ADGRG1: variants seen among roughly 807,000 people sequenced by gnomAD.
ADGRG1 encodes the protein 7-transmembrane protein with no EGF-like N-terminal domains-1.
In ADGRG1, 53 loss-of-function variants were observed where a neutral mutation model predicts 73.5. That is an observed-to-expected ratio of 0.72 (90% CI 0.58 to 0.91). ADGRG1 has a LOEUF of 0.91. Ranked by LOEUF, ADGRG1 falls within the 40% of genes least tolerant of loss-of-function variation. The probability of loss-of-function intolerance (pLI) is 0.00; values close to 1 mark genes in which losing one functional copy is unlikely to be tolerated. For missense variants in ADGRG1, 795 were observed against 871.8 expected, an observed-to-expected ratio of 0.91 and a Z score of 1.11; for synonymous variants, 394 against 374.4, an observed-to-expected ratio of 1.05 and a Z score of -0.60.
intron 1 of ADGRG1, chr16:57,641,108 G>A (rs764822922): frequency 2.1e-6 from 2 of 936,986 alleles, no homozygotes; most frequent in Non-Finnish European, 2.5e-6. Flanking sequence ...GCCTGCGGGA[G>A]CCTGGAGGGC....
intron 1 of ADGRG1, among the ~76,000 whole-genome samples, chr16:57,636,973 G>T (rs1051322228): frequency 1.3e-5 from 2 of 152,232 alleles, no homozygotes; most frequent in African/African-American, 4.8e-5. Context: ...GGACATTTGA[G>T]TTGAGGCCTG....
chr16:57,645,401 TCTC>T (rs2042361580), intron 1 of ADGRG1: 4 of 832,862 alleles, frequency 4.8e-6, no homozygotes, highest in South Asian at 5.7e-5. Flanking sequence ...TGCCTGCCCT[TCTC>T]CTGATGTCTT....
chr16:57,655,569 A>G, intron 6 of ADGRG1, 39 bp downstream of exon 6: 1 of 1,611,118 alleles, frequency 6.2e-7, no homozygotes, highest in Non-Finnish European at 8.5e-7. Flanking sequence ...AGGAGAAAGC[A>G]GTTTTTTTCT....
intron 1 of ADGRG1, chr16:57,647,023 A>C (rs1258848659): frequency 3.3e-5 from 30 of 907,364 alleles, no homozygotes; most frequent in Non-Finnish European, 3.8e-5. Flanking sequence ...GTCAGGTCCC[A>C]GGGGTCTGTG....
chr16:57,634,409 C>A (rs555438129), intron 1 of ADGRG1: 1 of 985,324 alleles, frequency 1.0e-6, no homozygotes, highest in Non-Finnish European at 1.2e-6. Flanking sequence ...CATCTGGGCA[C>A]GGGCCAAACA....
chr16:57,651,513 G>A lies in ADGRG1; in HGVS notation c.378G>A (p.Glu126=), dbSNP rs2044084899. ...ASSLLCFQHQ[E]ESLAQGPPLL... is the part of the protein sequence containing the mutation. ...GCCTCCTCTGCTTCCAGCACCAGGA[G>A]GAGAGCCTGGCTCAGGGCCCCCCGC... Residue 126 remains glutamate, a synonymous_variant, in exon 3 of 14, where the codon GAG becomes GAA. Transcript: ENST00000562631. 1 of 1,614,100 alleles carries A rather than the reference G, an allele frequency of 6.2e-7. No homozygotes were observed. Among genetic ancestry groups the A allele is most frequent in the Non-Finnish European group, 8.5e-7 (1 of 1,180,044 alleles).
intron 1 of ADGRG1, chr16:57,646,033 T>C (rs1267743881): frequency 6.6e-6 from 1 of 152,080 alleles, no homozygotes; most frequent in Non-Finnish European, 1.5e-5. Flanking sequence ...GGGCGGGCAG[T>C]GGTCACTGTG....
At chr16:57,661,508 A>G in intron 12 of ADGRG1, 189 bp from the exon 13 acceptor site, 1 of 982,000 alleles carries the variant, frequency 1.0e-6, no homozygotes, top group Non-Finnish European at 1.2e-6. Flanking sequence ...TTACTTACTT[A>G]ACATTTTCCT....
chr16:57,639,703 C>G, intron 1 of ADGRG1: 1 of 970,530 alleles, frequency 1.0e-6, no homozygotes, highest in Non-Finnish European at 1.2e-6. Context: ...CCCCTCCTCC[C>G]CGTCCCTTTC....
Position 57,661,698 on chromosome 16 carries a change from T to G in ADGRG1, c.1666T>G (p.Cys556Gly). ...GAGCCCTCCTGCCTTTGCCCGCAGGTGCTGGATCCGGGACTCCCTGGTCAG... is the reference window on the plus strand; with the variant it reads ...GAGCCCTCCTGCCTTTGCCCGCAGGGGCTGGATCCGGGACTCCCTGGTCAG... ...TPEGVIYPSM[C>G]WIRDSLVSYI... The change falls in exon 13 of 14, where the codon TGC (cysteine) becomes GGC (glycine). Residue 556 changes from cysteine (C) to glycine (G), a missense_variant and splice_region_variant. Coordinates refer to ENST00000562631, the MANE Select transcript of ADGRG1 (RefSeq NM_201525.4). 6.2e-7 allele frequency: 1 copy of G among 1,613,176 alleles called. No homozygotes were observed. The highest frequency in any genetic ancestry group is 8.5e-7 in the Non-Finnish European group (1 of 1,179,600).
At chr16:57,644,366 GCA>G (rs1484678782) in intron 1 of ADGRG1, 7 of 199,776 alleles carry the variant, frequency 3.5e-5, no homozygotes, top group Non-Finnish European at 6.0e-5. Flanking sequence ...TCATGCACGG[GCA>G]CACAGCCATG....
chr16:57,655,342 TG>T (rs1270613497), intron 5 of ADGRG1, 56 bp from the exon 6 acceptor site: 1,098 of 1,600,038 alleles, frequency 6.9e-4, no homozygotes, highest in Non-Finnish European at 8.8e-4. Context: ...TGTGCTAGGG[TG>T]GGGGGCACGG....
chr16:57,653,238 G>C lies in ADGRG1; in HGVS notation c.523G>C (p.Asp175His), dbSNP rs769565872. ...CACGGCCGCTCACAATGCCTCGGTGGACATGTGCGAGCTCAAAAGGGACCT... is the reference window on the plus strand; with the variant it reads ...CACGGCCGCTCACAATGCCTCGGTGCACATGTGCGAGCTCAAAAGGGACCT... ...PHTAAHNASV[D>H]MCELKRDLQL... The change falls in exon 4 of 14, where the codon GAC becomes CAC. Residue 175 changes from aspartate to histidine, a missense_variant. Asp to His is a moderately conservative substitution (Grantham distance 81). Coordinates refer to ENST00000562631, the MANE Select transcript of ADGRG1 (RefSeq NM_201525.4). 5.6e-6 allele frequency: 9 copies of C among 1,612,262 alleles called. No homozygotes were observed. Among genetic ancestry groups the C allele is most frequent in the Middle Eastern group, 3.3e-4 (2 of 6,054 alleles).
At chr16:57,655,319 GT>G (rs1217975941) in intron 5 of ADGRG1, 79 bp from the exon 6 acceptor site, 3 of 809,298 alleles carry the variant, frequency 3.7e-6, no homozygotes, top group South Asian at 1.8e-5. Flanking sequence ...GAACGGATGG[GT>G]GTGTGTGTGT....
rs371342603 is a variant in ADGRG1, at chr16:57,654,091, C to A, written c.726C>A (p.Pro242=). The change falls in exon 5 of 14, where the codon CCC becomes CCA. Residue 242 remains proline, a synonymous_variant. Coordinates refer to ENST00000562631, the MANE Select transcript of ADGRG1 (RefSeq NM_201525.4). Reference sequence around the variant, plus strand: ...ACGCCACGGTGTGGAAGCTCCAGCCCACAGCCGGCCTCCAGGACCTGCACA... The same window carrying A: ...ACGCCACGGTGTGGAAGCTCCAGCCAACAGCCGGCCTCCAGGACCTGCACA... ...RINATVWKLQ[P]TAGLQDLHIH... 1 of 1,613,654 alleles carries A rather than the reference C, an allele frequency of 6.2e-7. No individual in the cohort carries two copies. Among genetic ancestry groups the A allele is most frequent in the East Asian group, 2.2e-5 (1 of 44,886 alleles).
intron 1 of ADGRG1, chr16:57,645,263 A>G: frequency 1.0e-6 from 1 of 985,390 alleles, no homozygotes; most frequent in Non-Finnish European, 1.2e-6. Flanking sequence ...TGCCTCTCCC[A>G]GCGAGGGCCC....
At chr16:57,651,751 G>C in intron 3 of ADGRG1, 129 bp downstream of exon 3, 1 of 1,504,838 alleles carries the variant, frequency 6.6e-7, no homozygotes, top group South Asian at 1.2e-5. Flanking sequence ...GCACTGGGGA[G>C]CCAGTGAAGG....
In ADGRG1 at chr16:57,659,635, C is replaced by A; in HGVS notation, c.1509C>A (p.Gly503=). ...NLYRLVVEVF[G]TYVPGYLLKL... is the part of the protein sequence containing the mutation. ...ACCGACTCGTGGTGGAGGTCTTTGG[C>A]ACCTATGTCCCTGGCTACCTACTCA... is the stretch of plus-strand genomic sequence containing the variant. The change falls in exon 11 of 14, where the codon GGC becomes GGA. Residue 503 remains glycine, a synonymous_variant. Coordinates refer to ENST00000562631, the MANE Select transcript of ADGRG1 (RefSeq NM_201525.4). 6.2e-7 allele frequency: 1 copy of A among 1,614,050 alleles called. No individual in the cohort carries two copies. Among genetic ancestry groups the A allele is most frequent in the Non-Finnish European group, 8.5e-7 (1 of 1,180,000 alleles).
intron 1 of ADGRG1, chr16:57,639,529 G>T: frequency 2.0e-6 from 2 of 985,478 alleles, no homozygotes; most frequent in South Asian, 9.4e-5. Flanking sequence ...CAGCTTCAAA[G>T]TCTCTGTCCT....
Sources: allele counts gnomAD v4.1 joint callset (sites outside exome capture counted in the v4.1 genomes callset), GRCh38; gene constraint gnomAD v4.1.1; transcripts MANE v1.5; gene names NCBI Gene and HGNC (gene_info 2026-07-23, HGNC 2026-07-21).